The following PLXNA2 variants were observed in gnomAD, a reference collection of about 807,000 sequenced individuals.
PLXNA2 encodes plexin-A2.
PLXNA2 carries 91 observed loss-of-function variants against 193.5 expected under a neutral mutation model. The ratio of observed to expected loss-of-function variants is 0.47; its 90% CI spans 0.40 to 0.56. The LOEUF is 0.56. Among genes scored for constraint, PLXNA2 ranks in the 20% least tolerant of loss-of-function variants. The pLI, the probability that PLXNA2 is intolerant of heterozygous loss-of-function variation, is 0.00. For synonymous variants in PLXNA2, 997 were observed against 1,027.3 expected (o/e 0.97, Z 0.56); for missense variants, 1,995 against 2,503.2 (o/e 0.80, Z 4.33).
chr1:208,231,550 A>G (rs1302791149), intron 1 of PLXNA2, among the ~76,000 whole-genome samples: 1 of 152,164 alleles, frequency 6.6e-6, no homozygotes, highest in Non-Finnish European at 1.5e-5. Flanking sequence ...GATGCATTCC[A>G]TGCCCTTCGG....
chr1:208,026,782 T>A lies in PLXNA2; in HGVS notation c.*461A>T, dbSNP rs866833. ...AAAGAAGGAGGAATGGGAGAAAAGA[T>A]GGAAGGGAGACAGAAATCAGAATTA... On this transcript the variant is annotated 3_prime_UTR_variant, in exon 32 of 32. Transcript: ENST00000367033. 146,092 of 152,770 alleles carry A rather than the reference T, an allele frequency of 0.96. 70,187 individuals are homozygous for A. The highest frequency in any genetic ancestry group is 1 in the East Asian group (5,190 of 5,190). The allele number at this position is 152,770 out of a possible 1,614,324, so 9.5% of individuals were successfully genotyped here. A position where few individuals can be genotyped will look rare whatever the true frequency, so the allele number is the denominator to read the frequency against.
chr1:208,084,119 TA>T (rs1251566833), intron 10 of PLXNA2, among the ~76,000 whole-genome samples: 1 of 152,176 alleles, frequency 6.6e-6, no homozygotes, highest in Non-Finnish European at 1.5e-5. Context: ...ATTTAAAATT[TA>T]AAAAATCAAC....
At chr1:208,189,487 G>C (rs922789752) in intron 3 of PLXNA2, among the ~76,000 whole-genome samples, 33 of 148,934 alleles carry the variant, frequency 2.2e-4, no homozygotes, top group Non-Finnish European at 4.4e-4. Flanking sequence ...CCTTCTCTTT[G>C]AGCTCCTGAG....
At chr1:208,137,209 C>G (rs1668328665) in intron 4 of PLXNA2, among the ~76,000 whole-genome samples, 1 of 152,222 alleles carries the variant, frequency 6.6e-6, no homozygotes, top group Non-Finnish European at 1.5e-5. Context: ...CCTTTCCAGT[C>G]TGTACGGAGC....
intron 3 of PLXNA2, among the ~76,000 whole-genome samples, chr1:208,165,431 TTA>T (rs1669268649): frequency 6.6e-6 from 1 of 152,144 alleles, no homozygotes; most frequent in Admixed American, 6.5e-5. Flanking sequence ...CTCTGAGAGT[TTA>T]TGAGACTTGC....
intron 5 of PLXNA2, among the ~76,000 whole-genome samples, chr1:208,100,917 A>G (rs1266443800): frequency 6.6e-6 from 1 of 152,150 alleles, no homozygotes; most frequent in Non-Finnish European, 1.5e-5. Flanking sequence ...GCGTGTCCAA[A>G]CCAAATAGCC....
intron 3 of PLXNA2, among the ~76,000 whole-genome samples, chr1:208,204,563 T>C (rs1670655253): frequency 6.6e-6 from 1 of 152,194 alleles, no homozygotes; most frequent in Non-Finnish European, 1.5e-5. Flanking sequence ...ACATCATACC[T>C]TCCTTCCTTC....
At chr1:208,138,626 T>C (rs1419146432) in intron 4 of PLXNA2, among the ~76,000 whole-genome samples, 1 of 152,254 alleles carries the variant, frequency 6.6e-6, no homozygotes, top group Non-Finnish European at 1.5e-5. Context: ...GGCGCACGCT[T>C]GTAATCCCAG....
At chr1:208,220,457 G>A (rs1445828469) in intron 1 of PLXNA2, among the ~76,000 whole-genome samples, 1 of 152,082 alleles carries the variant, frequency 6.6e-6, no homozygotes, top group Non-Finnish European at 1.5e-5. Flanking sequence ...TATTGAGACA[G>A]AGTCTTGCTC....
intron 4 of PLXNA2, among the ~76,000 whole-genome samples, chr1:208,118,678 G>A (rs1176827854): frequency 6.6e-6 from 1 of 152,048 alleles, no homozygotes; most frequent in African/African-American, 2.4e-5. Context: ...TGTAACCAAT[G>A]TCATCGAGCT....
At chr1:208,029,531 G>T in intron 29 of PLXNA2, 1 of 997,130 alleles carries the variant, frequency 1.0e-6, no homozygotes, top group East Asian at 1.1e-4. Flanking sequence ...GGCTGCCCAA[G>T]CTACTTCCCA....
At chr1:208,206,766 G>GTTT (rs896776741) in intron 3 of PLXNA2, among the ~76,000 whole-genome samples, 71 of 116,734 alleles carry the variant, frequency 6.1e-4, no homozygotes, top group Non-Finnish European at 7.6e-4. Context: ...GCACATATAG[G>GTTT]TTTTTTTTTT....
chr1:208,143,380 G>T (rs576876), intron 3 of PLXNA2, among the ~76,000 whole-genome samples: 1 of 152,086 alleles, frequency 6.6e-6, no homozygotes, highest in Non-Finnish European at 1.5e-5. Context: ...TGGGCATGAG[G>T]GCTGAGAATG....
At chr1:208,169,229 A>G (rs528006035) in intron 3 of PLXNA2, among the ~76,000 whole-genome samples, 1 of 152,312 alleles carries the variant, frequency 6.6e-6, no homozygotes, top group African/African-American at 2.4e-5. Context: ...TTTGGGAGTC[A>G]AGGGCAGGCA....
rs533549838 is a variant in PLXNA2 at position 208,063,051 on chromosome 1, C to T, written c.2587-2214G>A. 2.0e-5 allele frequency among the ~76,000 whole-genome samples: 3 copies of T among 152,298 alleles called. No homozygotes were observed. In the East Asian group the frequency reaches 5.8e-4, roughly 29 times the overall value. On this transcript the variant is annotated intron_variant, in intron 12 of 31. Coordinates refer to ENST00000367033, the MANE Select transcript of PLXNA2 (RefSeq NM_025179.4). The stretch of plus-strand genomic sequence containing the variant: ...CTTGGAATGAGCTTCACCAGCCCCT[C>T]CATCCCCTTCCCTAGCCACCTGGAT...
chr1:208,231,824 A>G (rs2102638798), intron 1 of PLXNA2, among the ~76,000 whole-genome samples: 1 of 152,308 alleles, frequency 6.6e-6, no homozygotes, highest in South Asian at 2.1e-4. Context: ...GGGGTCCTGG[A>G]GTTAAACATG....
At chr1:208,185,589 C>T (rs1329885314) in intron 3 of PLXNA2, among the ~76,000 whole-genome samples, 2 of 151,370 alleles carry the variant, frequency 1.3e-5, no homozygotes, top group Non-Finnish European at 2.9e-5. Flanking sequence ...CTTCCAGTAA[C>T]CCAACCTCTT....
rs572749412 is a variant in PLXNA2, at chr1:208,171,367, G to A, written c.1372-28904C>T. 1.1e-3 allele frequency among the ~76,000 whole-genome samples: 162 copies of A among 152,226 alleles called. 6 individuals carry two copies. The South Asian group carries it at 0.032, about 30-fold the overall frequency. ...TACTACAGCCCAGATACATTTTAAA[G>A]GTTTGATATGTACTCTATCATTTAA... On this transcript the variant is annotated intron_variant, in intron 3 of 31. Transcript: ENST00000367033.
chr1:208,044,302 C>T lies in PLXNA2; in HGVS notation c.3874+206G>A, dbSNP rs1232082356. Among the ~76,000 whole-genome samples the T allele has an allele frequency of 6.6e-6, 1 of 152,192 alleles. No individual in the cohort carries two copies. Among genetic ancestry groups the T allele is most frequent in the East Asian group, 1.9e-4 (1 of 5,198 alleles). On this transcript the variant is annotated intron_variant, in intron 20 of 31. Transcript: ENST00000367033. This position sits in a 1 kb window ranked among gnomAD's most constrained non-coding sequence, Gnocchi z 4.9. ...AAGGGACTAGAACAATGCAATTGGA[C>T]CTGGGTCCTCATGCAGTGGGCATTC...
Sources: gnomAD v4.1 joint callset for allele counts (sites outside exome capture counted in the v4.1 genomes callset) on GRCh38, gnomAD v4.1.1 for gene constraint, Gnocchi (gnomAD v3.1) non-coding constraint, MANE v1.5 for transcripts, NCBI Gene and HGNC (gene_info 2026-07-23, HGNC 2026-07-21) for gene names.